MED12L: variants seen among roughly 807,000 people sequenced by gnomAD.
The protein encoded by MED12L is mediator of RNA polymerase II transcription subunit 12-like protein.
MED12L carries 60 observed loss-of-function variants against 281.3 expected under a neutral mutation model. The ratio of observed to expected loss-of-function variants is 0.21; its 90% confidence interval spans 0.17 to 0.26. MED12L has a LOEUF of 0.26. Ranked by LOEUF, MED12L falls within the 10% of genes least tolerant of loss-of-function variation. The pLI is 1.00. For synonymous variants in MED12L, 974 were observed against 987.2 expected, an observed-to-expected ratio of 0.99 and a Z score of 0.25; for missense variants, 2,146 against 2,680.9, an observed-to-expected ratio of 0.80 and a Z score of 4.41.
At chr3:151,367,510 T>C in intron 23 of MED12L, 136 bp from the exon 24 acceptor site, 7 of 676,712 alleles carry the variant, frequency 1.0e-5, no homozygotes, top group Non-Finnish European at 1.6e-5. Context: ...CATCATGATA[T>C]GTTATCATTT....
At chr3:151,127,157 A>G (rs912983088) in intron 4 of MED12L, among the ~76,000 whole-genome samples, 2 of 152,234 alleles carry the variant, frequency 1.3e-5, no homozygotes, top group African/African-American at 4.8e-5. Context: ...ACATTGGGAT[A>G]CTAATTTGCT....
chr3:151,201,034 G>T (rs1317244587), intron 16 of MED12L: 1 of 152,170 alleles, frequency 6.6e-6, no homozygotes, highest in Non-Finnish European at 1.5e-5. Flanking sequence ...TGATAGAAAT[G>T]ATAATGATTA....
At chr3:151,198,406 T>C in intron 16 of MED12L, 1 of 1,561,840 alleles carries the variant, frequency 6.4e-7, no homozygotes, top group Non-Finnish European at 8.7e-7. Flanking sequence ...CCAGAATTGG[T>C]AGCACAAAAA....
chr3:151,411,368 A>G lies in MED12L; in HGVS notation c.6001A>G (p.Ser2001Gly), dbSNP rs772622874. Residue 2001 changes from serine (S) to glycine (G), a missense_variant, in exon 41 of 45, where the codon AGC becomes GGC. Transcript: ENST00000687756. ...QQAGSVVLSP[S>G]YNSRAYPAAH... is the part of the protein sequence containing the mutation. ...GGCTGGCAGTGTGGTCCTGTCTCCC[A>G]GCTATAACTCCAGAGCCTATCCGGC... is the stretch of plus-strand genomic sequence containing the variant. 16 of 1,614,090 alleles carry G rather than the reference A, an allele frequency of 9.9e-6. No individual in the cohort carries two copies. The South Asian group carries it at 1.8e-4, about 18-fold the overall frequency.
At chr3:151,253,999 G>GTTTTTT (rs11453294) in intron 16 of MED12L, among the ~76,000 whole-genome samples, 11 of 136,874 alleles carry the variant, frequency 8.0e-5, no homozygotes, top group African/African-American at 1.3e-4. Context: ...ATTTTTTCTT[G>GTTTTTT]TTTTTTTTTT....
intron 16 of MED12L, among the ~76,000 whole-genome samples, chr3:151,263,299 C>G (rs1347833667): frequency 3.3e-5 from 5 of 152,142 alleles, no homozygotes; most frequent in African/African-American, 9.7e-5. Flanking sequence ...GTGGACCTCC[C>G]CAGAGTGTCT....
chr3:151,104,168 G>A (rs1576731221), intron 2 of MED12L, among the ~76,000 whole-genome samples: 1 of 152,300 alleles, frequency 6.6e-6, no homozygotes, highest in East Asian at 1.9e-4. Flanking sequence ...CAGTATAGGT[G>A]ACGGTGGATG....
chr3:151,237,902 T>G (rs924371415), intron 16 of MED12L, among the ~76,000 whole-genome samples: 8 of 152,230 alleles, frequency 5.3e-5, no homozygotes, highest in Admixed American at 5.2e-4. Context: ...TTGGGTTGTT[T>G]ATGCTGTTAC....
chr3:151,430,952 TTTTG>T (rs1243977556), intron 44 of MED12L, among the ~76,000 whole-genome samples: 1 of 151,900 alleles, frequency 6.6e-6, no homozygotes, highest in Admixed American at 6.6e-5. Flanking sequence ...TTTTGTTTTG[TTTTG>T]TTTAATGTGC....
intron 16 of MED12L, among the ~76,000 whole-genome samples, chr3:151,240,905 T>C (rs1486951049): frequency 6.6e-6 from 1 of 152,238 alleles, no homozygotes; most frequent in African/African-American, 2.4e-5. Context: ...CTTGATTAGC[T>C]GTGTCATCTT....
intron 16 of MED12L, among the ~76,000 whole-genome samples, chr3:151,260,504 T>C (rs914924167): frequency 5.3e-5 from 8 of 152,008 alleles, no homozygotes; most frequent in African/African-American, 1.9e-4. Context: ...CGTGTACCAC[T>C]GTGTCCAGCT....
chr3:151,185,516 TG>T, intron 12 of MED12L, 55 bp downstream of exon 12: 1 of 1,588,718 alleles, frequency 6.3e-7, no homozygotes, highest in Non-Finnish European at 8.6e-7. Context: ...AATACTGTTT[TG>T]GGGAAGATCA....
intron 16 of MED12L, among the ~76,000 whole-genome samples, chr3:151,239,392 A>G (rs1733613046): frequency 6.6e-6 from 1 of 152,194 alleles, no homozygotes; most frequent in African/African-American, 2.4e-5. Context: ...TCTGTATGGG[A>G]TTGGATTTTC....
In MED12L at chr3:151,362,121, C is replaced by T. The variant is rs1164416870; in HGVS notation, c.2957+1516C>T. On this transcript the variant is annotated intron_variant, in intron 21 of 44. Coordinates refer to ENST00000687756, the MANE Select transcript of MED12L (RefSeq NM_001393769.1). ...CAAGCATCTCTAGAACCTGCCCATT[C>T]TTCACCCTCTCTTTACCGCTGTGGA... Among the ~76,000 whole-genome samples the T allele has an allele frequency of 2.0e-5, 3 of 151,964 alleles. No individual in the cohort carries two copies. The East Asian group carries it at 5.8e-4, about 29-fold the overall frequency.
chr3:151,310,983 A>G (rs1251875629), intron 16 of MED12L, among the ~76,000 whole-genome samples: 1 of 152,194 alleles, frequency 6.6e-6, no homozygotes, highest in East Asian at 1.9e-4. Context: ...GCTGTGAGAC[A>G]GTTATTTTGC....
At chr3:151,284,771 G>C (rs1022375293) in intron 16 of MED12L, among the ~76,000 whole-genome samples, 16 of 152,138 alleles carry the variant, frequency 1.1e-4, no homozygotes. Flanking sequence ...ACCACACCTG[G>C]CTAATTTTGT....
chr3:151,203,805 A>T (rs1199499825), intron 16 of MED12L, among the ~76,000 whole-genome samples: 1 of 152,118 alleles, frequency 6.6e-6, no homozygotes, highest in Non-Finnish European at 1.5e-5. Flanking sequence ...ATGCTTATGT[A>T]TTTCCACTTA....
At chr3:151,294,823 C>T (rs750273692) in intron 16 of MED12L, 2 of 1,614,134 alleles carry the variant, frequency 1.2e-6, no homozygotes, top group South Asian at 2.2e-5. Context: ...TGACCACCTT[C>T]AGATAGCGAT....
rs76213153 is a variant in MED12L, at chr3:151,432,942, A to C, written c.*138A>C. The C allele has an allele frequency of 4.6e-4, 8 of 17,284 alleles. No individual in the cohort carries two copies. Among genetic ancestry groups the C allele is most frequent in the Non-Finnish European group, 1.3e-3 (7 of 5,468 alleles). 1.1% of individuals were successfully genotyped at this position (17,284 alleles called of 1,614,324 possible). Reference sequence around the variant, plus strand: ...TACTATATTTTATGCTACATCTCACAAAAAAAAAAAAAGGTGTTTAAACAA... The same window carrying C: ...TACTATATTTTATGCTACATCTCACCAAAAAAAAAAAAGGTGTTTAAACAA... On this transcript the variant is annotated 3_prime_UTR_variant, in exon 45 of 45. Transcript: ENST00000687756.
Sources: allele counts gnomAD v4.1 joint callset (sites outside exome capture counted in the v4.1 genomes callset), GRCh38; gene constraint gnomAD v4.1.1; transcripts MANE v1.5; gene names NCBI Gene and HGNC (gene_info 2026-07-23, HGNC 2026-07-21).